HECTD2: variants seen among roughly 807,000 people sequenced by gnomAD.
HECTD2 encodes probable E3 ubiquitin-protein ligase HECTD2.
HECTD2 carries 35 observed loss-of-function variants against 103.2 expected under a neutral mutation model. The ratio of observed to expected loss-of-function variants is 0.34; its 90% CI spans 0.26 to 0.45. The LOEUF is 0.45. HECTD2 is among the 20% of genes least tolerant of loss of function. The pLI is 1.00. For missense variants in HECTD2, 596 were observed against 937.4 expected (o/e 0.64, Z 4.76); for synonymous variants, 281 against 329.9 (o/e 0.85, Z 1.61).
intron 2 of HECTD2, among the ~76,000 whole-genome samples, chr10:91,427,345 T>C (rs1422149269): frequency 6.6e-6 from 1 of 152,052 alleles, no homozygotes; most frequent in African/African-American, 2.4e-5. Flanking sequence ...GCATGATTTA[T>C]AGTCCTTTGG....
chr10:91,455,470 G>T (rs1393941318), intron 2 of HECTD2, among the ~76,000 whole-genome samples: 1 of 152,044 alleles, frequency 6.6e-6, no homozygotes, highest in Non-Finnish European at 1.5e-5. Flanking sequence ...TTCTGGATAT[G>T]AGCCATTTGT....
At chr10:91,477,112 C>T (rs1490651760) in intron 5 of HECTD2, among the ~76,000 whole-genome samples, 2 of 149,362 alleles carry the variant, frequency 1.3e-5, no homozygotes, top group Non-Finnish European at 1.5e-5. Flanking sequence ...ACCCGGGAAG[C>T]GGAGCTTGCA....
intron 1 of HECTD2, among the ~76,000 whole-genome samples, chr10:91,413,239 T>C (rs1842993971): frequency 6.6e-6 from 1 of 152,154 alleles, no homozygotes; most frequent in Admixed American, 6.5e-5. Flanking sequence ...CTGTATCCTT[T>C]ATGTTTACAG....
At chr10:91,498,508 A>G (rs1405305191) in intron 16 of HECTD2, among the ~76,000 whole-genome samples, 1 of 152,198 alleles carries the variant, frequency 6.6e-6, no homozygotes, top group Non-Finnish European at 1.5e-5. Flanking sequence ...GTAGAAACTA[A>G]TGAGTCAGAC....
At chr10:91,485,092 C>A in intron 9 of HECTD2, 88 bp from the exon 10 acceptor site, 1 of 902,930 alleles carries the variant, frequency 1.1e-6, no homozygotes, top group Non-Finnish European at 1.6e-6. Context: ...TCAAGGCTGT[C>A]TTGTAGACAT....
intron 20 of HECTD2, among the ~76,000 whole-genome samples, chr10:91,503,465 G>A (rs1038945676): frequency 6.6e-6 from 1 of 152,250 alleles, no homozygotes; most frequent in African/African-American, 2.4e-5. Context: ...CCTCACTCGG[G>A]AAGCGCAAGG....
intron 2 of HECTD2, among the ~76,000 whole-genome samples, 177 bp from the exon 3 acceptor site, chr10:91,460,249 TG>T (rs1374423963): frequency 6.6e-6 from 1 of 152,132 alleles, no homozygotes; most frequent in Non-Finnish European, 1.5e-5. Context: ...GTGAGTGAAG[TG>T]GGGGAATAAG....
intron 11 of HECTD2, 86 bp from the exon 12 acceptor site, chr10:91,491,114 T>C (rs1268234865): frequency 6.3e-6 from 4 of 634,260 alleles, no homozygotes; most frequent in African/African-American, 1.9e-5. Context: ...AGATAATAAT[T>C]GTTATTTTTA....
At chr10:91,455,130 T>C (rs188589772) in intron 2 of HECTD2, among the ~76,000 whole-genome samples, 2 of 152,322 alleles carry the variant, frequency 1.3e-5, no homozygotes, top group African/African-American at 2.4e-5. Flanking sequence ...TTCGAGATCC[T>C]TGAGGAATCG....
chr10:91,429,967 T>C (rs1396502401), intron 2 of HECTD2, among the ~76,000 whole-genome samples: 1 of 152,188 alleles, frequency 6.6e-6, no homozygotes, highest in Non-Finnish European at 1.5e-5. Context: ...TTAACTGTGA[T>C]GTTAGGGTGT....
chr10:91,425,443 G>C, intron 2 of HECTD2, 33 bp downstream of exon 2: 3 of 1,389,946 alleles, frequency 2.2e-6, no homozygotes, highest in Non-Finnish European at 2.9e-6. Flanking sequence ...TTGGCTAAAA[G>C]TATATTTTTA....
At chr10:91,474,424 A>T (rs992563452) in intron 5 of HECTD2, among the ~76,000 whole-genome samples, 21 of 152,352 alleles carry the variant, frequency 1.4e-4, no homozygotes, top group African/African-American at 5.1e-4. Context: ...TAGAATATAT[A>T]CCAGACACCT....
intron 2 of HECTD2, among the ~76,000 whole-genome samples, chr10:91,457,905 C>T (rs574474264): frequency 6.6e-6 from 1 of 151,332 alleles, no homozygotes; most frequent in East Asian, 1.9e-4. Flanking sequence ...TACTCTTATT[C>T]ATCTCAGTGC....
rs1327988089 is a variant in HECTD2, at chr10:91,513,481, T to G, written c.*1097T>G. On this transcript the variant is annotated 3_prime_UTR_variant, in exon 21 of 21. Transcript: ENST00000298068. ...CCAAAATGTTTGTTTTTCACTGGAT[T>G]CTGAATATAATAAATTCAAAGTACC... 1 of 152,622 alleles carries G rather than the reference T, an allele frequency of 6.6e-6. No homozygotes were observed. Among genetic ancestry groups the G allele is most frequent in the Non-Finnish European group, 1.5e-5 (1 of 68,036 alleles). The allele number at this position is 152,622 out of a possible 1,614,324, so 9.5% of individuals were successfully genotyped here.
chr10:91,507,281 TAGAC>T (rs1236339216), intron 20 of HECTD2, among the ~76,000 whole-genome samples: 1 of 151,230 alleles, frequency 6.6e-6, no homozygotes, highest in African/African-American at 2.4e-5. Flanking sequence ...CCAGGGCAAT[TAGAC>T]AGGAGAAGGA....
chr10:91,460,491 A>G lies in HECTD2; in HGVS notation c.333A>G (p.Ser111=), dbSNP rs201470639. ...AACAGCGTACATCTATGGATGCATCATCATCCGAAATGAAGGCCCCAGTCC... is the reference window on the plus strand; with the variant it reads ...AACAGCGTACATCTATGGATGCATCGTCATCCGAAATGAAGGCCCCAGTCC... ...RQKQRTSMDA[S]SSEMKAPVLP... is the part of the protein sequence containing the mutation. The change falls in exon 3 of 21, where the codon TCA becomes TCG. Residue 111 remains serine, a synonymous_variant. Transcript: ENST00000298068. The G allele has an allele frequency of 1.8e-5, 29 of 1,612,352 alleles. No individual in the cohort carries two copies. The highest frequency in any genetic ancestry group is 3.3e-4 in the Middle Eastern group (2 of 6,056).
At chr10:91,439,110 G>A (rs1422395225) in intron 2 of HECTD2, among the ~76,000 whole-genome samples, 2 of 152,136 alleles carry the variant, frequency 1.3e-5, no homozygotes, top group East Asian at 3.8e-4. Flanking sequence ...TTTGGCTTTT[G>A]TTACCATTGC....
chr10:91,439,415 T>C (rs1564707693), intron 2 of HECTD2, among the ~76,000 whole-genome samples: 1 of 152,184 alleles, frequency 6.6e-6, no homozygotes, highest in Non-Finnish European at 1.5e-5. Context: ...CTGAGACCTT[T>C]ATCCGGTTCC....
At chr10:91,485,115 TTTA>T (rs1443342715) in intron 9 of HECTD2, 62 bp from the exon 10 acceptor site, 1 of 1,143,212 alleles carries the variant, frequency 8.7e-7, no homozygotes, top group African/African-American at 1.6e-5. Flanking sequence ...AAATGATGTT[TTTA>T]TTATTAGAAT....
Sources: gnomAD v4.1 joint callset for allele counts (sites outside exome capture counted in the v4.1 genomes callset) on GRCh38, gnomAD v4.1.1 for gene constraint, MANE v1.5 for transcripts, NCBI Gene and HGNC (gene_info 2026-07-23, HGNC 2026-07-21) for gene names.